The following SUGP2 variants were observed in gnomAD, a reference collection of about 807,000 sequenced individuals.
The protein encoded by SUGP2 is SURP and G-patch domain containing 2.
In SUGP2, 24 loss-of-function variants were observed where a neutral mutation model predicts 90.5. That is an observed-to-expected ratio of 0.27 (90% confidence interval 0.19 to 0.37). The LOEUF (loss-of-function observed/expected upper bound fraction) is 0.37. Ranked by LOEUF, SUGP2 falls within the 10% of genes least tolerant of loss-of-function variation. The pLI is 1.00. For missense variants in SUGP2, 1,233 were observed against 1,363.3 expected, an observed-to-expected ratio of 0.90 and a Z score of 1.51; for synonymous variants, 473 against 513.4, an observed-to-expected ratio of 0.92 and a Z score of 1.06.
chr19:19,001,759 G>A, intron 7 of SUGP2, 85 bp from the exon 8 acceptor site: 1 of 1,410,742 alleles, frequency 7.1e-7, no homozygotes, highest in Non-Finnish European at 1.0e-6. Context: ...AGTCTATTTT[G>A]GCTAACAGTT....
At chr19:18,997,445 G>A (rs1424296311) in intron 8 of SUGP2, among the ~76,000 whole-genome samples, 2 of 152,120 alleles carry the variant, frequency 1.3e-5, no homozygotes, top group African/African-American at 2.4e-5. Context: ...ACAACCTGGA[G>A]AGGTGCTGAG....
In SUGP2 at chr19:19,025,838, C is replaced by T. The variant is rs557511671; in HGVS notation, c.510G>A (p.Leu170=). The part of the protein sequence containing the change: ...QEYSFGPSAV[L]GDFGSSRLIE... ...TCAGCCTGGAAGATCCAAAGTCCCCCAAAACTGCAGAGGGACCAAAACTAT... is the reference window on the plus strand; with the variant it reads ...TCAGCCTGGAAGATCCAAAGTCCCCTAAAACTGCAGAGGGACCAAAACTAT... Residue 170 remains leucine (L), a synonymous_variant, in exon 3 of 11, where the codon TTG becomes TTA. Transcript: ENST00000452918. The T allele has an allele frequency of 9.4e-5, 151 of 1,614,052 alleles. 1 individual carries two copies. In the South Asian group the frequency reaches 1.5e-3, roughly 17 times the overall value.
intron 4 of SUGP2, among the ~76,000 whole-genome samples, chr19:19,015,528 G>A (rs2058468283): frequency 6.6e-6 from 1 of 152,002 alleles, no homozygotes; most frequent in African/African-American, 2.4e-5. Flanking sequence ...TTGAGACAGA[G>A]TCATGCTCCG....
chr19:19,009,860 G>C lies in SUGP2; in HGVS notation c.2333C>G (p.Ala778Gly). 2 of 1,604,434 alleles carry C rather than the reference G, an allele frequency of 1.2e-6. No individual in the cohort carries two copies. The highest frequency in any genetic ancestry group is 1.7e-6 in the Non-Finnish European group (2 of 1,173,720). ...GGACAGGAGTGAGCACCCACTGTCA[G>C]CAGATGGGCAGGGAGAAGAGGTCTG... Reference protein sequence around the residue: ...APQTSSPCPSADIDMKTMETA... With the variant: ...APQTSSPCPSGDIDMKTMETA... The change falls in exon 5 of 11, where the codon GCT becomes GGT. Residue 778 changes from alanine (A) to glycine (G), a missense_variant. Ala to Gly is a moderately conservative substitution (Grantham distance 60, BLOSUM62 0). Transcript: ENST00000452918.
In SUGP2 at chr19:18,996,782, C is replaced by T. The variant is rs554138551; in HGVS notation, c.2992-1502G>A. Among the ~76,000 whole-genome samples, 3 of 152,338 alleles carry T rather than the reference C, an allele frequency of 2.0e-5. No individual in the cohort carries two copies. The East Asian group carries it at 5.8e-4, about 29-fold the overall frequency. ...AACCATGCTGGTCTTGATCAAACTCCTGACCTCAGCTGATCTGCCCGCCTC... is the reference window on the plus strand; with the variant it reads ...AACCATGCTGGTCTTGATCAAACTCTTGACCTCAGCTGATCTGCCCGCCTC... On this transcript the variant is annotated intron_variant, in intron 8 of 10. Transcript: ENST00000452918.
intron 2 of SUGP2, among the ~76,000 whole-genome samples, chr19:19,029,532 G>A (rs1285490582): frequency 3.3e-5 from 5 of 150,342 alleles, no homozygotes; most frequent in African/African-American, 4.9e-5. Flanking sequence ...TCCACCTCCC[G>A]GGTTCACGGC....
chr19:19,024,788 G>A lies in SUGP2; in HGVS notation c.1560C>T (p.Ser520=), dbSNP rs979807884. The change falls in exon 3 of 11, where the codon TCC becomes TCT. Residue 520 remains serine (S), a synonymous_variant. Transcript: ENST00000452918. ...CTATGTACTCTCGCCCAAACAAAGT[G>A]GAGTCTTCGAAGTTTGGAAACGCAG... ...SPAAFPNFED[S]TLFGREYIDH... is the part of the protein sequence containing the mutation. The A allele has an allele frequency of 9.3e-6, 15 of 1,614,044 alleles. No homozygotes were observed. Among genetic ancestry groups the A allele is most frequent in the African/African-American group, 1.3e-5 (1 of 74,922 alleles).
intron 5 of SUGP2, 101 bp from the exon 6 acceptor site, chr19:19,008,529 G>A: frequency 1.1e-6 from 1 of 904,956 alleles, no homozygotes; most frequent in Non-Finnish European, 1.8e-6. Flanking sequence ...TGGCCTGCAT[G>A]TCCCCTCCCT....
intron 3 of SUGP2, among the ~76,000 whole-genome samples, chr19:19,023,706 C>T (rs762230993): frequency 4.2e-4 from 64 of 152,168 alleles, no homozygotes; most frequent in Non-Finnish European, 8.5e-4. Flanking sequence ...CGAGACCAGT[C>T]TGGGCAACAT....
chr19:19,029,568 A>G (rs1599585482), intron 2 of SUGP2, among the ~76,000 whole-genome samples: 1 of 150,274 alleles, frequency 6.7e-6, no homozygotes, highest in African/African-American at 2.5e-5. Context: ...CCTCCCAAGT[A>G]GCTGGGACCA....
At chr19:19,028,148 G>A (rs2059006427) in intron 2 of SUGP2, among the ~76,000 whole-genome samples, 1 of 152,168 alleles carries the variant, frequency 6.6e-6, no homozygotes, top group Non-Finnish European at 1.5e-5. Flanking sequence ...GAGCCCCAGG[G>A]ACCACCTCCC....
chr19:19,009,770 C>T (rs902302073), intron 5 of SUGP2, 85 bp downstream of exon 5: 9 of 1,491,474 alleles, frequency 6.0e-6, no homozygotes, highest in Middle Eastern at 4.3e-4. Context: ...GCCTAGATTG[C>T]AGGCCCCCCC....
chr19:19,033,182 T>C (rs1483783537), intron 1 of SUGP2: 2 of 219,582 alleles, frequency 9.1e-6, no homozygotes, highest in Non-Finnish European at 1.6e-5. Flanking sequence ...GAGGAATGAA[T>C]GAACGACTGA....
Position 19,016,501 on chromosome 19 carries a change from C to T in SUGP2, c.1850+2608G>A, listed in dbSNP as rs534960337. The stretch of plus-strand genomic sequence containing the variant: ...TCCAGCCTAATCACCTTATCAACCA[C>T]CTGTAAAGTGCCCCTGGGCCTTCTA... On this transcript the variant is annotated intron_variant, in intron 4 of 10. Transcript: ENST00000452918. Among the ~76,000 whole-genome samples, 174 of 152,278 alleles carry T rather than the reference C, an allele frequency of 1.1e-3. 1 individual carries two copies. Among genetic ancestry groups the T allele is most frequent in the African/African-American group, 3.9e-3 (160 of 41,554 alleles).
intron 7 of SUGP2, among the ~76,000 whole-genome samples, chr19:19,002,930 T>C (rs1265441513): frequency 6.6e-6 from 1 of 152,114 alleles, no homozygotes; most frequent in Non-Finnish European, 1.5e-5. Flanking sequence ...ATACACTACC[T>C]GCCATCCGTG....
chr19:19,019,260 A>ATATGCTGAATGTGG, intron 3 of SUGP2, 31 bp from the exon 4 acceptor site: 1 of 1,594,808 alleles, frequency 6.3e-7, no homozygotes, highest in Non-Finnish European at 8.6e-7. Flanking sequence ...TCTCTGAGAA[A>ATATGCTGAATGTGG]TATGCTGAAT....
At chr19:19,026,882 C>T (rs2058955468) in intron 2 of SUGP2, among the ~76,000 whole-genome samples, 1 of 152,142 alleles carries the variant, frequency 6.6e-6, no homozygotes, top group Admixed American at 6.5e-5. Flanking sequence ...TGAAAAACCA[C>T]AGACCGAGGC....
At chr19:18,997,782 CAAAAAAAA>C (rs35875282) in intron 8 of SUGP2, among the ~76,000 whole-genome samples, 1 of 88,288 alleles carries the variant, frequency 1.1e-5, no homozygotes, top group East Asian at 3.4e-4. Flanking sequence ...GACTCCGTCT[CAAAAAAAA>C]AAAAAAAAAA....
intron 4 of SUGP2, among the ~76,000 whole-genome samples, chr19:19,011,808 G>A (rs879638037): frequency 3.3e-5 from 5 of 152,146 alleles, no homozygotes; most frequent in Non-Finnish European, 5.9e-5. Context: ...ACCAGTCTGG[G>A]CAACATGGCG....
Sources: gnomAD v4.1 joint callset for allele counts (sites outside exome capture counted in the v4.1 genomes callset) on GRCh38, gnomAD v4.1.1 for gene constraint, MANE v1.5 for transcripts, NCBI Gene and HGNC (gene_info 2026-07-23, HGNC 2026-07-21) for gene names.